Variants in PTPN2 observed in about 807,000 individuals in gnomAD.
The protein encoded by PTPN2 is protein tyrosine phosphatase non-receptor type 2.
Under a neutral mutation model 57.3 loss-of-function variants are expected in PTPN2, and 19 were observed. The observed-to-expected ratio is 0.33, with a 90% CI of 0.23 to 0.49. The LOEUF (loss-of-function observed/expected upper bound fraction) is 0.49, where lower values mean the gene tolerates loss of function less well. Among genes scored for constraint, PTPN2 ranks in the 20% least tolerant of loss-of-function variants. The pLI is 0.99. For synonymous variants in PTPN2, 153 were observed against 164.9 expected (o/e 0.93, Z 0.55); for missense variants, 358 against 501.1 (o/e 0.71, Z 2.73).
rs115801085 is a variant in PTPN2 at position 12,801,332 on chromosome 18, G to T, written c.1040+638C>A. Among the ~76,000 whole-genome samples the T allele has an allele frequency of 4.0e-3, 607 of 152,090 alleles. 3 individuals carry two copies. Among genetic ancestry groups the T allele is most frequent in the African/African-American group, 0.014 (593 of 41,472 alleles). The stretch of plus-strand genomic sequence containing the variant: ...GTTCAAGACCAGCCTTGTTAACATG[G>T]TGAAACCCTCTCTCTACTAAAAATA... On this transcript the variant is annotated intron_variant, in intron 8 of 8. Transcript: ENST00000309660.
At chr18:12,814,842 C>T (rs1257075551) in intron 6 of PTPN2, among the ~76,000 whole-genome samples, 1 of 152,000 alleles carries the variant, frequency 6.6e-6, no homozygotes, top group Non-Finnish European at 1.5e-5. Context: ...CCTGTAATCC[C>T]AACACTTTGG....
intron 2 of PTPN2, among the ~76,000 whole-genome samples, chr18:12,844,903 C>A (rs2043164057): frequency 6.6e-6 from 1 of 152,130 alleles, no homozygotes; most frequent in Non-Finnish European, 1.5e-5. Context: ...CTTCAGTTAA[C>A]TTTTGTGTAA....
intron 7 of PTPN2, among the ~76,000 whole-genome samples, chr18:12,810,633 T>C (rs2041860341): frequency 6.6e-6 from 1 of 152,136 alleles, no homozygotes; most frequent in Admixed American, 6.5e-5. Flanking sequence ...AATAGTTGAT[T>C]TACAGAAGAT....
chr18:12,807,259 C>G (rs1273525798), intron 7 of PTPN2, among the ~76,000 whole-genome samples: 10 of 151,878 alleles, frequency 6.6e-5, no homozygotes, highest in South Asian at 2.1e-4. Context: ...ATTAGAATGA[C>G]TATTATCAAA....
At chr18:12,844,551 G>A (rs768072892) in intron 2 of PTPN2, among the ~76,000 whole-genome samples, 1 of 152,080 alleles carries the variant, frequency 6.6e-6, no homozygotes, top group African/African-American at 2.4e-5. Flanking sequence ...ATGTTCATAG[G>A]CTTATCTGCC....
chr18:12,832,761 G>A (rs918665729), intron 3 of PTPN2, among the ~76,000 whole-genome samples: 29 of 152,294 alleles, frequency 1.9e-4, no homozygotes, highest in Middle Eastern at 3.4e-3. Flanking sequence ...CACAACCCAT[G>A]CCATTCCACT....
chr18:12,819,288 A>G (rs1332277731), intron 5 of PTPN2: 2 of 1,359,372 alleles, frequency 1.5e-6, no homozygotes, highest in African/African-American at 1.5e-5. Flanking sequence ...ATATACTAAA[A>G]GCAATAAAAA....
chr18:12,844,053 G>A (rs1381874912), intron 2 of PTPN2: 1 of 152,150 alleles, frequency 6.6e-6, no homozygotes, highest in African/African-American at 2.4e-5. Flanking sequence ...TGTCATCATT[G>A]GAAACTGGAT....
intron 7 of PTPN2, among the ~76,000 whole-genome samples, chr18:12,804,288 T>TC (rs1432442832): frequency 0.052 from 396 of 7,618 alleles, 3 homozygotes; most frequent in African/African-American, 0.12. Context: ...TGAAACTGTC[T>TC]CAAAAAAAAA....
In PTPN2 at chr18:12,828,633, A is replaced by G. The variant is rs886302027; in HGVS notation, c.360+2310T>C. ...ATGGAAGGGGCTAAGCAACACTTAT[A>G]GTTCCAAATTTGAACTGGGAATATC... On this transcript the variant is annotated intron_variant, in intron 4 of 8. Coordinates refer to ENST00000309660, the MANE Select transcript of PTPN2 (RefSeq NM_002828.4). 6.6e-5 allele frequency among the ~76,000 whole-genome samples: 10 copies of G among 152,340 alleles called. No homozygotes were observed. In the South Asian group the frequency reaches 2.1e-3, roughly 32 times the overall value.
intron 7 of PTPN2, 32 bp from the exon 8 acceptor site, chr18:12,802,183 CA>C (rs770395395): frequency 4.1e-6 from 6 of 1,474,964 alleles, no homozygotes; most frequent in Non-Finnish European, 4.6e-6. Flanking sequence ...AAAACAAATG[CA>C]AACATTAAAA....
chr18:12,819,184 A>G (rs2145326342), intron 5 of PTPN2: 1 of 1,051,084 alleles, frequency 9.5e-7, no homozygotes, highest in Non-Finnish European at 1.4e-6. Flanking sequence ...AATAAAATAC[A>G]GTGAAATAAA....
At chr18:12,791,788 A>G (rs1265272738), downstream of PTPN2, among the ~76,000 whole-genome samples, 3 of 152,168 alleles carry the variant, frequency 2.0e-5, no homozygotes, top group Non-Finnish European at 4.4e-5. Flanking sequence ...GACAGAAAGC[A>G]TACAGAAAGC....
intron 2 of PTPN2, among the ~76,000 whole-genome samples, chr18:12,839,099 GAT>G (rs201603223): frequency 0.024 from 3,717 of 152,200 alleles, 158 homozygotes; most frequent in African/African-American, 0.084. Flanking sequence ...TATTGCAAAA[GAT>G]TGTGAATATA....
Position 12,854,360 on chromosome 18 carries a change from GAAAAA to G in PTPN2, c.160+4799_160+4803del, listed in dbSNP as rs11460042. Among the ~76,000 whole-genome samples the G allele has an allele frequency of 4.8e-3, 573 of 119,270 alleles. 3 individuals carry two copies. The highest frequency in any genetic ancestry group is 6.8e-3 in the Non-Finnish European group (419 of 61,380). The allele number at this position is 119,270 out of a possible 152,430, so 78.2% of individuals were successfully genotyped here. ...GAGTGACAGAGCCAGACCCTGTCTT[GAAAAA>G]AAAAAAAAAAGAAAAAAGAAAAAGA... is the stretch of plus-strand genomic sequence containing the variant. On this transcript the variant is annotated intron_variant, in intron 2 of 8. Coordinates refer to ENST00000309660, the MANE Select transcript of PTPN2 (RefSeq NM_002828.4).
intron 1 of PTPN2, among the ~76,000 whole-genome samples, chr18:12,874,330 G>A (rs1308960267): frequency 3.8e-5 from 5 of 133,298 alleles, no homozygotes; most frequent in Admixed American, 2.3e-4. Flanking sequence ...TTGGCCAGCC[G>A]CCCCGTCTGG....
At chr18:12,794,583 A>C in intron 8 of PTPN2, 98 bp from the exon 9 acceptor site, 1 of 1,387,244 alleles carries the variant, frequency 7.2e-7, no homozygotes, top group Non-Finnish European at 9.7e-7. Flanking sequence ...CCATCCACAT[A>C]GTTTTCACCC....
intron 2 of PTPN2, chr18:12,841,093 A>G: frequency 1.1e-6 from 1 of 904,320 alleles, no homozygotes. Flanking sequence ...GACTCTGAGT[A>G]CTGATACTTT....
chr18:12,793,854 CATT>C lies in PTPN2; in HGVS notation c.*421_*423del. On this transcript the variant is annotated 3_prime_UTR_variant, in exon 9 of 9. Transcript: ENST00000309660. ...TCAATAGTACATTATACATTACACA[CATT>C]ATTTAAATGTCATTTTCTTTCCAAT... 9.8e-7 allele frequency: 1 copy of C among 1,022,736 alleles called. No homozygotes were observed. Among genetic ancestry groups the C allele is most frequent in the Non-Finnish European group, 1.2e-6 (1 of 847,034 alleles). The allele number at this position is 1,022,736 out of a possible 1,614,324, so 63.4% of individuals were successfully genotyped here. A position where few individuals can be genotyped will look rare whatever the true frequency, so the allele number is the denominator to read the frequency against.
Sources: gnomAD v4.1 joint callset for allele counts (sites outside exome capture counted in the v4.1 genomes callset) on GRCh38, gnomAD v4.1.1 for gene constraint, MANE v1.5 for transcripts, NCBI Gene and HGNC (gene_info 2026-07-23, HGNC 2026-07-21) for gene names.